The following MAP3K13 variants were observed in gnomAD, a reference collection of about 807,000 sequenced individuals.
MAP3K13 encodes the protein mitogen-activated protein kinase kinase kinase 13, also known as leucine zipper-bearing kinase.
Under a neutral mutation model 104.0 loss-of-function variants are expected in MAP3K13, and 52 were observed. That is an observed-to-expected ratio of 0.50 (90% CI 0.40 to 0.63). The LOEUF (loss-of-function observed/expected upper bound fraction) is 0.63, where lower values mean the gene tolerates loss of function less well. Among genes scored for constraint, MAP3K13 ranks in the 20% least tolerant of loss-of-function variants. MAP3K13 has a pLI of 0.00. For synonymous variants in MAP3K13, 394 were observed against 442.2 expected (o/e 0.89, Z 1.37); for missense variants, 914 against 1,218.5 (o/e 0.75, Z 3.72).
intron 2 of MAP3K13, among the ~76,000 whole-genome samples, chr3:185,341,145 G>A (rs563707856): frequency 6.6e-6 from 1 of 152,340 alleles, no homozygotes; most frequent in African/African-American, 2.4e-5. Context: ...ACTTCAAAAT[G>A]TGACCGTATT....
rs1031887984 is a variant in MAP3K13, at chr3:185,285,682, A to G, written c.-86+39A>G. 15 of 1,500,362 alleles carry G rather than the reference A, an allele frequency of 1.0e-5. No homozygotes were observed. The African/African-American group carries it at 1.8e-4, about 18-fold the overall frequency. The allele number at this position is 1,500,362 out of a possible 1,614,324, so 92.9% of individuals were successfully genotyped here. A position where few individuals can be genotyped will look rare whatever the true frequency, so the allele number is the denominator to read the frequency against. ...TGTGTTTTATGTTTGGTGAGATGGT[A>G]GACCAATCTTAAATTTGCCTAGGAA... On this transcript the variant is annotated intron_variant, in intron 2 of 14. Coordinates refer to the MAP3K13 transcript ENST00000424227.
At chr3:185,373,942 T>C (rs1178505685) in intron 1 of MAP3K13, among the ~76,000 whole-genome samples, 3 of 151,562 alleles carry the variant, frequency 2.0e-5, no homozygotes, top group Non-Finnish European at 4.4e-5. Flanking sequence ...TTAGTTCTTA[T>C]AGGTTTTGGG....
intron 2 of MAP3K13, among the ~76,000 whole-genome samples, chr3:185,357,992 T>A (rs531440219): frequency 6.6e-6 from 1 of 152,318 alleles, no homozygotes; most frequent in African/African-American, 2.4e-5. Flanking sequence ...AACATGAGGC[T>A]TTAATCTTCT....
chr3:185,406,176 C>T (rs1713104642), intron 1 of MAP3K13, among the ~76,000 whole-genome samples: 1 of 152,140 alleles, frequency 6.6e-6, no homozygotes, highest in African/African-American at 2.4e-5. Context: ...TTACCTAAAA[C>T]AGTTTGAAGT....
chr3:185,479,538 T>C (rs1366717610), intron 12 of MAP3K13, among the ~76,000 whole-genome samples: 4 of 152,242 alleles, frequency 2.6e-5, no homozygotes, highest in Admixed American at 2.6e-4. Flanking sequence ...ATACTATGCA[T>C]ATATGTACAT....
At chr3:185,459,445 A>G (rs1331490886) in intron 7 of MAP3K13, among the ~76,000 whole-genome samples, 2 of 152,138 alleles carry the variant, frequency 1.3e-5, no homozygotes, top group Non-Finnish European at 2.9e-5. Context: ...CATTTTAACC[A>G]TTAAAAAAAA....
At chr3:185,363,649 G>A (rs1472961775) in intron 1 of MAP3K13, among the ~76,000 whole-genome samples, 1 of 152,218 alleles carries the variant, frequency 6.6e-6, no homozygotes, top group African/African-American at 2.4e-5. Flanking sequence ...TTTCCTTAAA[G>A]GGAGATTCAT....
At chr3:185,288,932 T>C (rs923064773) in intron 2 of MAP3K13, among the ~76,000 whole-genome samples, 3 of 152,180 alleles carry the variant, frequency 2.0e-5, no homozygotes, top group Non-Finnish European at 4.4e-5. Flanking sequence ...TAACCAAGAT[T>C]AAACAGATCA....
intron 1 of MAP3K13, among the ~76,000 whole-genome samples, chr3:185,391,406 C>A (rs35254487): frequency 0.7 from 106,916 of 152,110 alleles, 38,186 homozygotes; most frequent in Non-Finnish European, 0.77. Flanking sequence ...CTGTCACTTC[C>A]TTTCTTTTTA....
intron 1 of MAP3K13, among the ~76,000 whole-genome samples, chr3:185,422,691 T>C (rs1009611342): frequency 6.6e-6 from 1 of 152,210 alleles, no homozygotes; most frequent in African/African-American, 2.4e-5. Context: ...CACAAGTAAG[T>C]GTTTGGCTGA....
At chr3:185,456,730 T>C (rs545448707) in intron 7 of MAP3K13, among the ~76,000 whole-genome samples, 1 of 151,270 alleles carries the variant, frequency 6.6e-6, no homozygotes, top group East Asian at 2.0e-4. Flanking sequence ...GCTTCCCGAG[T>C]AGCTGGGACT....
intron 1 of MAP3K13, among the ~76,000 whole-genome samples, chr3:185,421,628 A>G (rs1007443682): frequency 1.3e-5 from 2 of 151,962 alleles, no homozygotes; most frequent in Non-Finnish European, 2.9e-5. Flanking sequence ...TCTCCTTCTA[A>G]TTTATACTAG....
At chr3:185,446,124 G>A (rs1715578150) in intron 4 of MAP3K13, among the ~76,000 whole-genome samples, 1 of 152,186 alleles carries the variant, frequency 6.6e-6, no homozygotes, top group African/African-American at 2.4e-5. Context: ...AATAGCCATT[G>A]GTGTTGGGGT....
Position 185,295,109 on chromosome 3 carries a change from C to A in MAP3K13, c.-86+9466C>A, listed in dbSNP as rs115973576. ...TAGAATTCAGCCCCAAATCTTCAAT[C>A]ATTCTTTGTCTACTAAGCTCAAGCC... On this transcript the variant is annotated intron_variant, in intron 2 of 14. Coordinates refer to the MAP3K13 transcript ENST00000424227. Among the ~76,000 whole-genome samples, 602 of 152,300 alleles carry A rather than the reference C, an allele frequency of 4.0e-3. 3 individuals carry two copies. The highest frequency in any genetic ancestry group is 0.013 in the African/African-American group (554 of 41,572).
rs1491302327 is a variant in MAP3K13 at position 185,373,822 on chromosome 3, GAT to G, written c.-86+10455_-86+10456del. 8.0e-5 allele frequency among the ~76,000 whole-genome samples: 9 copies of G among 112,562 alleles called. No individual in the cohort carries two copies. The East Asian group carries it at 1.9e-3, about 23-fold the overall frequency. The allele number at this position is 112,562 out of a possible 152,430, so 73.8% of individuals were successfully genotyped here. ...TAGCCTGGTCCTATACAGTGAAAAG[GAT>G]TTTTTTTTTTTTTTTTTTTTTTTTG... On this transcript the variant is annotated intron_variant, in intron 1 of 13. Transcript: ENST00000265026.
intron 8 of MAP3K13, among the ~76,000 whole-genome samples, chr3:185,464,533 C>T (rs1717300217): frequency 6.6e-6 from 1 of 152,154 alleles, no homozygotes; most frequent in African/African-American, 2.4e-5. Context: ...TCAATCCATC[C>T]TGCCGCCCTG....
intron 2 of MAP3K13, among the ~76,000 whole-genome samples, chr3:185,433,378 T>C (rs1291774189): frequency 6.6e-6 from 1 of 152,224 alleles, no homozygotes; most frequent in Admixed American, 6.5e-5. Flanking sequence ...ACGAAAAGTT[T>C]GGGACTAACT....
chr3:185,382,348 C>T (rs1461455361), intron 1 of MAP3K13, among the ~76,000 whole-genome samples: 1 of 152,068 alleles, frequency 6.6e-6, no homozygotes, highest in South Asian at 2.1e-4. Context: ...CATCTATTTT[C>T]GGACCATGGT....
chr3:185,418,603 C>A lies in MAP3K13; in HGVS notation c.-85-9894C>A, dbSNP rs577043524. On this transcript the variant is annotated intron_variant, in intron 1 of 13. Coordinates refer to ENST00000265026, the MANE Select transcript of MAP3K13 (RefSeq NM_004721.5). The surrounding 1 kb of genome is among the most constrained non-coding windows in gnomAD (Gnocchi z 4.5). ...CCAAGACTCAGCACTGGTCTGATGA[C>A]CTGCTAATTCACTGGCAGCGTAGGG... 8.7e-6 allele frequency: 14 copies of A among 1,612,118 alleles called. No individual in the cohort carries two copies. Among genetic ancestry groups the A allele is most frequent in the Non-Finnish European group, 1.2e-5 (14 of 1,179,654 alleles).
Sources: allele counts gnomAD v4.1 joint callset (sites outside exome capture counted in the v4.1 genomes callset), GRCh38; gene constraint gnomAD v4.1.1; non-coding constraint Gnocchi (gnomAD v3.1); transcripts MANE v1.5; gene names NCBI Gene and HGNC (gene_info 2026-07-23, HGNC 2026-07-21).